Variants in AGXT observed in about 807,000 individuals in gnomAD.
AGXT encodes L-alanine: glyoxylate aminotransferase 1.
In AGXT, 41 loss-of-function variants were observed where a neutral mutation model predicts 46.9. That is an observed-to-expected ratio of 0.88 (90% CI 0.68 to 1.14). AGXT has a LOEUF of 1.14. AGXT is among the 50% of genes most tolerant of loss of function. The pLI is 0.00. For missense variants in AGXT, 525 were observed against 522.7 expected (o/e 1.00, Z -0.04); for synonymous variants, 244 against 227.9 (o/e 1.07, Z -0.64).
chr2:240,875,329 A>G (rs1370870403), intron 7 of AGXT, 125 bp downstream of exon 7: 8 of 799,434 alleles, frequency 1.0e-5, no homozygotes, highest in South Asian at 1.7e-5. Flanking sequence ...AACCCCAACT[A>G]GAGCCCCAGA....
Position 240,873,185 on chromosome 2 carries a change from C to T in AGXT, c.595+136C>T, listed in dbSNP as rs1402583507. The T allele has an allele frequency of 2.4e-5, 18 of 739,776 alleles. No homozygotes were observed. In the South Asian group the frequency reaches 2.4e-4, roughly 10 times the overall value. The allele number at this position is 739,776 out of a possible 1,614,324, so 45.8% of individuals were successfully genotyped here. On this transcript the variant is annotated intron_variant, in intron 5 of 10. Transcript: ENST00000307503. ...CATCTCCACCAGGCCCAGGGAAACACTCACTCCTTACTGCGGCAAGAGCGG... is the reference window on the plus strand; with the variant it reads ...CATCTCCACCAGGCCCAGGGAAACATTCACTCCTTACTGCGGCAAGAGCGG...
At chr2:240,877,689 C>T in intron 9 of AGXT, 57 bp downstream of exon 9, 1 of 1,514,844 alleles carries the variant, frequency 6.6e-7, no homozygotes, top group Non-Finnish European at 9.0e-7. Flanking sequence ...ATGAGGGGCT[C>T]TTGCCCAGCC....
chr2:240,873,308 G>A, intron 5 of AGXT: 1 of 518,414 alleles, frequency 1.9e-6, no homozygotes, highest in Admixed American at 3.2e-5. Context: ...GGACATTTGA[G>A]ATGCCCCAGA....
chr2:240,871,932 C>T (rs934431509), intron 4 of AGXT, among the ~76,000 whole-genome samples: 16 of 152,266 alleles, frequency 1.1e-4, no homozygotes, highest in African/African-American at 3.9e-4. Context: ...CAGGTCTGAG[C>T]ACAGGACAGA....
chr2:240,873,754 G>T (rs1030776600), intron 5 of AGXT, among the ~76,000 whole-genome samples: 2 of 152,180 alleles, frequency 1.3e-5, no homozygotes, highest in Admixed American at 6.5e-5. Context: ...GACCAGCACA[G>T]CAGAGGGAGA....
chr2:240,872,111 C>T lies in AGXT; in HGVS notation c.524+662C>T, dbSNP rs117116569. Among the ~76,000 whole-genome samples, 625 of 152,314 alleles carry T rather than the reference C, an allele frequency of 4.1e-3. 22 individuals are homozygous for T. In the East Asian group the frequency reaches 0.072, roughly 17 times the overall value. ...CCAGCACGAGATACTTTCTGTGTCT[C>T]TTTTTTCTTTATAAGAAAACCTGGA... On this transcript the variant is annotated intron_variant, in intron 4 of 10. Coordinates refer to ENST00000307503, the MANE Select transcript of AGXT (RefSeq NM_000030.3).
chr2:240,877,653 G>T, intron 9 of AGXT, 21 bp downstream of exon 9: 1 of 1,549,188 alleles, frequency 6.5e-7, no homozygotes, highest in South Asian at 1.2e-5. Context: ...CCCTGGCATT[G>T]GGCAGCCCTG....
At chr2:240,874,114 C>T in intron 6 of AGXT, 52 bp downstream of exon 6, 1 of 1,577,542 alleles carries the variant, frequency 6.3e-7, no homozygotes, top group Non-Finnish European at 8.7e-7. Flanking sequence ...TTGCAGGGAG[C>T]TCAGGTGGCC....
chr2:240,878,359 G>A (rs2059039696), intron 10 of AGXT, among the ~76,000 whole-genome samples: 1 of 152,216 alleles, frequency 6.6e-6, no homozygotes, highest in African/African-American at 2.4e-5. Flanking sequence ...GTCACCAGGT[G>A]CAGCCTTTAT....
At chr2:240,872,406 A>G (rs1456599831) in intron 4 of AGXT, among the ~76,000 whole-genome samples, 2 of 148,880 alleles carry the variant, frequency 1.3e-5, no homozygotes, top group Non-Finnish European at 3.0e-5. Context: ...GGAGGGTGAG[A>G]GTTCGTGAAC....
intron 4 of AGXT, among the ~76,000 whole-genome samples, 177 bp downstream of exon 4, chr2:240,871,626 A>G (rs1432704475): frequency 6.6e-6 from 1 of 151,990 alleles, no homozygotes. Flanking sequence ...TCTAAAGACA[A>G]CCCCAGGTCC....
At chr2:240,874,153 G>A in intron 6 of AGXT, 91 bp downstream of exon 6, 1 of 1,298,496 alleles carries the variant, frequency 7.7e-7, no homozygotes, top group Admixed American at 1.8e-5. Context: ...AGCCAGGCAG[G>A]AAGGGCTCCC....
intron 5 of AGXT, among the ~76,000 whole-genome samples, 161 bp from the exon 6 acceptor site, chr2:240,873,817 C>T (rs2059004878): frequency 6.6e-6 from 1 of 152,162 alleles, no homozygotes; most frequent in African/African-American, 2.4e-5. Flanking sequence ...CAGCAGTGCC[C>T]AGATTTGAAC....
Position 240,872,991 on chromosome 2 carries a change from G to C in AGXT, c.537G>C (p.Leu179=), listed in dbSNP as rs565927450. The change falls in exon 5 of 11, where the codon CTG becomes CTC. Residue 179 remains leucine, a synonymous_variant. Transcript: ENST00000307503. ...CCCACCTCTCCAGGTACAAGTGCCT[G>C]CTCCTGGTGGATTCGGTGGCATCCC... The part of the protein sequence containing the change: ...FGELCHRYKC[L]LLVDSVASLG... 2.4e-4 allele frequency: 394 copies of C among 1,613,932 alleles called. 5 individuals are homozygous for C. In the South Asian group the frequency reaches 4.1e-3, roughly 17 times the overall value.
chr2:240,874,484 C>T (rs1489459409), intron 6 of AGXT, among the ~76,000 whole-genome samples: 6 of 152,334 alleles, frequency 3.9e-5, no homozygotes, highest in African/African-American at 7.2e-5. Context: ...TGAGCCAGGC[C>T]GGGCAGGGGG....
chr2:240,872,931 G>T (rs755134732), intron 4 of AGXT, 48 bp from the exon 5 acceptor site: 8 of 1,528,760 alleles, frequency 5.2e-6, no homozygotes, highest in Non-Finnish European at 7.3e-6. Flanking sequence ...CCCTCCAGTG[G>T]CCCCCTGCCT....
intron 3 of AGXT, 133 bp downstream of exon 3, chr2:240,870,841 T>C: frequency 1.2e-6 from 1 of 844,360 alleles, no homozygotes; most frequent in Admixed American, 2.2e-5. Context: ...CCTCAGCCCA[T>C]CCTAGCATCT....
At chr2:240,877,359 T>C in intron 8 of AGXT, 178 bp from the exon 9 acceptor site, 1 of 706,542 alleles carries the variant, frequency 1.4e-6, no homozygotes, top group South Asian at 1.5e-5. Context: ...GACCCAGATG[T>C]TTCCTTCTGC....
chr2:240,870,471 C>G (rs927114019), intron 2 of AGXT, among the ~76,000 whole-genome samples, 173 bp from the exon 3 acceptor site: 2 of 152,196 alleles, frequency 1.3e-5, no homozygotes, highest in Admixed American at 1.3e-4. Flanking sequence ...GCTCTACACA[C>G]AGAGAGGCTC....
Sources: allele counts gnomAD v4.1 joint callset (sites outside exome capture counted in the v4.1 genomes callset), GRCh38; gene constraint gnomAD v4.1.1; transcripts MANE v1.5; gene names NCBI Gene and HGNC (gene_info 2026-07-23, HGNC 2026-07-21).